The following MED12L variants were observed in gnomAD, a reference collection of about 807,000 sequenced individuals.
The protein encoded by MED12L is mediator of RNA polymerase II transcription subunit 12-like protein.
Under a neutral mutation model 281.3 loss-of-function variants are expected in MED12L, and 60 were observed. The observed-to-expected ratio is 0.21, with a 90% CI of 0.17 to 0.26. MED12L has a LOEUF of 0.26. Ranked by LOEUF, MED12L falls within the 10% of genes least tolerant of loss-of-function variation. MED12L has a pLI of 1.00. For missense variants in MED12L, 2,146 were observed against 2,680.9 expected (o/e 0.80, Z 4.41); for synonymous variants, 974 against 987.2 (o/e 0.99, Z 0.25).
chr3:151,144,977 A>C (rs1177835445), intron 5 of MED12L, among the ~76,000 whole-genome samples: 1 of 152,172 alleles, frequency 6.6e-6, no homozygotes, highest in Non-Finnish European at 1.5e-5. Flanking sequence ...CTCCCTACCC[A>C]GCCTTGTAAA....
In MED12L at chr3:151,382,663, G is replaced by C; in HGVS notation, c.4598G>C (p.Ser1533Thr). 6.2e-7 allele frequency: 1 copy of C among 1,604,446 alleles called. No individual in the cohort carries two copies. Among genetic ancestry groups the C allele is most frequent in the Non-Finnish European group, 8.5e-7 (1 of 1,176,026 alleles). ...SLQNQVNQIL[S>T]NWREERYQDD... ...TTTTTTTCCGGATCTTAGATTTTAAGTAACTGGAGAGAAGAACGATACCAA... is the reference window on the plus strand; with the variant it reads ...TTTTTTTCCGGATCTTAGATTTTAACTAACTGGAGAGAAGAACGATACCAA... Residue 1533 changes from serine to threonine, a missense_variant, in exon 33 of 45, where the codon AGT becomes ACT. Physicochemically the swap from Ser to Thr is moderately conservative, Grantham distance 58. This residue lies in a region of MED12L where 212 missense variants were observed against 340.8 expected (regional missense o/e 0.62). Transcript: ENST00000687756.
chr3:151,347,591 A>C (rs545888024), intron 16 of MED12L, among the ~76,000 whole-genome samples: 2 of 152,204 alleles, frequency 1.3e-5, no homozygotes, highest in East Asian at 3.9e-4. Flanking sequence ...CGTGGCTATG[A>C]GAGTATTTTA....
At chr3:151,246,466 G>A (rs575473341) in intron 16 of MED12L, among the ~76,000 whole-genome samples, 31 of 151,930 alleles carry the variant, frequency 2.0e-4, no homozygotes, top group East Asian at 7.7e-4. Flanking sequence ...AAATAACGCC[G>A]CATATCTACA....
chr3:151,323,273 G>A (rs1749202233), intron 16 of MED12L, among the ~76,000 whole-genome samples: 1 of 152,094 alleles, frequency 6.6e-6, no homozygotes, highest in African/African-American at 2.4e-5. Flanking sequence ...CTCTTTAATT[G>A]ACCTGGCCTC....
intron 26 of MED12L, among the ~76,000 whole-genome samples, chr3:151,371,611 G>T (rs1756197355): frequency 6.6e-6 from 1 of 152,074 alleles, no homozygotes; most frequent in Non-Finnish European, 1.5e-5. Context: ...GTTTTAAAAG[G>T]CTTTTTCCAT....
intron 16 of MED12L, chr3:151,299,945 C>A: frequency 1.3e-6 from 1 of 741,680 alleles, no homozygotes. Context: ...AAACACAAAG[C>A]TAAATGCTGG....
chr3:151,174,033 T>C (rs1721750070), intron 11 of MED12L, among the ~76,000 whole-genome samples: 1 of 152,224 alleles, frequency 6.6e-6, no homozygotes. Flanking sequence ...TAGAAGTGTT[T>C]AGGAGTTTAG....
At chr3:151,211,022 G>A (rs564116100) in intron 16 of MED12L, among the ~76,000 whole-genome samples, 1 of 152,332 alleles carries the variant, frequency 6.6e-6, no homozygotes, top group South Asian at 2.1e-4. Flanking sequence ...CTACACTAGT[G>A]CTAGTGATTT....
At position 151,158,674 on chromosome 3, in the gene MED12L, CTTTG is replaced by C; in HGVS notation, c.727-12_727-9del. 2 of 1,541,326 alleles carry C rather than the reference CTTTG, an allele frequency of 1.3e-6. No individual in the cohort carries two copies. The highest frequency in any genetic ancestry group is 1.8e-6 in the Non-Finnish European group (2 of 1,122,316). On this transcript the variant is annotated splice_polypyrimidine_tract_variant and intron_variant, in intron 6 of 44. Transcript: ENST00000687756. ...CTTTAACATTATTAATGTAATTTTT[CTTTG>C]TTCATTTAAGGAAGGAATGTTAGAA...
intron 21 of MED12L, 58 bp downstream of exon 21, chr3:151,360,663 C>T: frequency 6.8e-7 from 1 of 1,470,934 alleles, no homozygotes; most frequent in Non-Finnish European, 9.3e-7. Context: ...TTGTTAGTGA[C>T]CCTGACAATA....
At chr3:151,278,104 A>C (rs1742196799) in intron 16 of MED12L, among the ~76,000 whole-genome samples, 2 of 152,240 alleles carry the variant, frequency 1.3e-5, no homozygotes, top group Non-Finnish European at 2.9e-5. Flanking sequence ...CCATATTAGC[A>C]TGGGGAAATA....
intron 16 of MED12L, among the ~76,000 whole-genome samples, chr3:151,314,621 G>A (rs113315357): frequency 2.5e-3 from 385 of 152,292 alleles, no homozygotes; most frequent in African/African-American, 8.8e-3. Flanking sequence ...TAGCGAAGTC[G>A]AGATTTGATT....
intron 16 of MED12L, among the ~76,000 whole-genome samples, chr3:151,285,502 A>AG (rs60164936): frequency 2.6e-5 from 4 of 151,810 alleles, no homozygotes; most frequent in African/African-American, 9.7e-5. Context: ...AAAAAAAAAA[A>AG]GAATAATACA....
intron 16 of MED12L, chr3:151,328,073 A>G: frequency 6.2e-7 from 1 of 1,610,310 alleles, no homozygotes; most frequent in Non-Finnish European, 8.5e-7. Flanking sequence ...CATACATGGT[A>G]GCTTTTCTGT....
At chr3:151,417,481 C>A (rs1228034187) in intron 43 of MED12L, among the ~76,000 whole-genome samples, 4 of 102,590 alleles carry the variant, frequency 3.9e-5, no homozygotes, top group South Asian at 3.8e-4. Flanking sequence ...CCAGCTCCCC[C>A]CCCGCCTTTT....
chr3:151,355,225 C>G lies in MED12L; in HGVS notation c.2503C>G (p.Gln835Glu). The G allele has an allele frequency of 6.2e-7, 1 of 1,609,206 alleles. No individual in the cohort carries two copies. Reference sequence around the variant, plus strand: ...GCTCCTTTCATATTTTGATCAACATCAAGTGACATCTCAGGTAGCTATTTA... The same window carrying G: ...GCTCCTTTCATATTTTGATCAACATGAAGTGACATCTCAGGTAGCTATTTA... ...LQLLSYFDQH[Q>E]VTSQISNNVL... Residue 835 changes from glutamine (Q) to glutamate (E), a missense_variant, in exon 18 of 45, where the codon CAA becomes GAA. This residue lies in a region of MED12L where 404 missense variants were observed against 603.5 expected (regional missense o/e 0.67). Coordinates refer to ENST00000687756, the MANE Select transcript of MED12L (RefSeq NM_001393769.1).
At chr3:151,194,187 G>C (rs937820227) in intron 16 of MED12L, among the ~76,000 whole-genome samples, 13 of 151,984 alleles carry the variant, frequency 8.6e-5, no homozygotes, top group Non-Finnish European at 1.5e-4. Flanking sequence ...GGCTGGTCTC[G>C]AACTCCTGAC....
At chr3:151,427,789 T>C (rs921306477) in intron 43 of MED12L, among the ~76,000 whole-genome samples, 1 of 152,212 alleles carries the variant, frequency 6.6e-6, no homozygotes, top group Non-Finnish European at 1.5e-5. Context: ...GAATAAGTTT[T>C]GTTGATCTAT....
intron 16 of MED12L, among the ~76,000 whole-genome samples, chr3:151,241,396 A>AT (rs1160191447): frequency 6.6e-6 from 1 of 152,056 alleles, no homozygotes; most frequent in African/African-American, 2.4e-5. Context: ...TTTACTCTTG[A>AT]TTTTTTTCTC....
Sources: gnomAD v4.1 joint callset for allele counts (sites outside exome capture counted in the v4.1 genomes callset) on GRCh38, gnomAD v4.1.1 for gene constraint, gnomAD v4.1.1 regional missense constraint, MANE v1.5 for transcripts, NCBI Gene and HGNC (gene_info 2026-07-23, HGNC 2026-07-21) for gene names.